The following EDNRB variants were observed in gnomAD, a reference collection of about 807,000 sequenced individuals.
EDNRB encodes the protein Hirschsprung disease 2.
In EDNRB, 18 loss-of-function variants were observed where a neutral mutation model predicts 46.4. The ratio of observed to expected loss-of-function variants is 0.39; its 90% CI spans 0.27 to 0.57. The LOEUF is 0.57. EDNRB is among the 20% of genes least tolerant of loss of function. The pLI is 0.61. For missense variants in EDNRB, 434 were observed against 537.5 expected, an observed-to-expected ratio of 0.81 and a Z score of 1.90; for synonymous variants, 213 against 204.9, an observed-to-expected ratio of 1.04 and a Z score of -0.34.
Position 77,898,121 on chromosome 13 carries a change from G to GTTTTT in EDNRB, c.*78_*79insAAAAA, listed in dbSNP as rs1362788185. ...GTGCAAATACATAGTTTTTTGTTTT[G>GTTTTT]TTTTGGCAAATGTTTCATTTTGTTT... On this transcript the variant is annotated 3_prime_UTR_variant, in exon 7 of 7. Transcript: ENST00000646607. 6.4e-7 allele frequency: 1 copy of GTTTTT among 1,562,998 alleles called. No homozygotes were observed. Among genetic ancestry groups the GTTTTT allele is most frequent in the Non-Finnish European group, 8.7e-7 (1 of 1,154,494 alleles).
At chr13:77,957,706 C>T (rs1167355499) in intron 1 of EDNRB, among the ~76,000 whole-genome samples, 1 of 152,152 alleles carries the variant, frequency 6.6e-6, no homozygotes, top group Non-Finnish European at 1.5e-5. Context: ...CCTGGATGAA[C>T]TGCCTGCACG....
At chr13:77,920,938 T>C (rs1481085573), upstream of EDNRB, among the ~76,000 whole-genome samples, 3 of 152,144 alleles carry the variant, frequency 2.0e-5, no homozygotes, top group South Asian at 4.1e-4. Flanking sequence ...GGGTGACTTT[T>C]CTCTCTCCCC....
At chr13:77,975,156 G>GCA (rs1331674325) in intron 1 of EDNRB, among the ~76,000 whole-genome samples, 8 of 152,140 alleles carry the variant, frequency 5.3e-5, no homozygotes, top group African/African-American at 1.9e-4. Flanking sequence ...GCCGGTACAG[G>GCA]CACACCATCG....
At chr13:77,902,880 T>C (rs976944065) in intron 3 of EDNRB, among the ~76,000 whole-genome samples, 4 of 151,986 alleles carry the variant, frequency 2.6e-5, no homozygotes, top group Non-Finnish European at 2.9e-5. Flanking sequence ...AACATGGCTT[T>C]AGGTAGAAAG....
intron 1 of EDNRB, among the ~76,000 whole-genome samples, chr13:77,966,079 G>A (rs1243572496): frequency 5.3e-5 from 8 of 152,042 alleles, no homozygotes; most frequent in Admixed American, 4.6e-4. Context: ...TGAAGAGATA[G>A]AGTCTTGCTA....
chr13:77,971,025 G>C (rs910466417), intron 1 of EDNRB, among the ~76,000 whole-genome samples: 2 of 152,142 alleles, frequency 1.3e-5, no homozygotes, highest in African/African-American at 4.8e-5. Context: ...GTCTTCTTCA[G>C]AGTCACTTTG....
In EDNRB at chr13:77,896,280, A is replaced by C. The variant is rs528216732; in HGVS notation, c.*1920T>G. ...TAATCTAAAATTTAAATAGAAATTA[A>C]ATATATTAATAAACTGTGAAAATAT... On this transcript the variant is annotated 3_prime_UTR_variant, in exon 7 of 7. Transcript: ENST00000646607. 7.4e-6 allele frequency: 4 copies of C among 543,668 alleles called. No individual in the cohort carries two copies. The highest frequency in any genetic ancestry group is 1.1e-5 in the Non-Finnish European group (4 of 370,276). 33.7% of individuals were successfully genotyped at this position (543,668 alleles called of 1,614,324 possible).
At chr13:77,966,492 A>C (rs868437694) in intron 1 of EDNRB, among the ~76,000 whole-genome samples, 30 of 152,212 alleles carry the variant, frequency 2.0e-4, no homozygotes, top group African/African-American at 7.2e-4. Context: ...AATAAATTTG[A>C]ATTGATCAGA....
chr13:77,905,715 C>T (rs976824501), intron 1 of EDNRB, among the ~76,000 whole-genome samples: 1 of 151,924 alleles, frequency 6.6e-6, no homozygotes, highest in Non-Finnish European at 1.5e-5. Flanking sequence ...AGAGACTTGA[C>T]TGAAATAAGA....
At chr13:77,959,763 C>T (rs1309156224) in intron 1 of EDNRB, among the ~76,000 whole-genome samples, 1 of 152,130 alleles carries the variant, frequency 6.6e-6, no homozygotes, top group Non-Finnish European at 1.5e-5. Context: ...AAGTTCGAAC[C>T]CATCATACAG....
intron 1 of EDNRB, among the ~76,000 whole-genome samples, chr13:77,911,365 A>T (rs1168823177): frequency 6.6e-6 from 1 of 152,098 alleles, no homozygotes; most frequent in African/African-American, 2.4e-5. Flanking sequence ...ATAAGCTGTG[A>T]TCAGAAAATG....
At chr13:77,936,675 TG>T (rs1340683841) in intron 1 of EDNRB, among the ~76,000 whole-genome samples, 2 of 152,148 alleles carry the variant, frequency 1.3e-5, no homozygotes, top group African/African-American at 4.8e-5. Context: ...CCAGGTGAGT[TG>T]AACAGTCTGA....
intron 1 of EDNRB, among the ~76,000 whole-genome samples, chr13:77,969,077 C>G (rs2137693448): frequency 6.6e-6 from 1 of 152,248 alleles, no homozygotes; most frequent in South Asian, 2.1e-4. Flanking sequence ...TCTTAAAAAG[C>G]ACTGAGTTTC....
chr13:77,940,700 GGTGTGTGTGTGT>G (rs6145134), intron 1 of EDNRB, among the ~76,000 whole-genome samples: 44 of 149,092 alleles, frequency 3.0e-4, no homozygotes, highest in African/African-American at 6.2e-4. Context: ...AGATGAATTG[GGTGTGTGTGTGT>G]GTGTGTGTGT....
intron 1 of EDNRB, among the ~76,000 whole-genome samples, chr13:77,968,011 C>T (rs968094497): frequency 6.6e-6 from 1 of 152,138 alleles, no homozygotes; most frequent in African/African-American, 2.4e-5. Context: ...GTGCCATGAA[C>T]AGTTTAAGTT....
upstream of EDNRB, among the ~76,000 whole-genome samples, chr13:77,924,075 G>C (rs1020549883): frequency 1.3e-5 from 2 of 152,146 alleles, no homozygotes; most frequent in South Asian, 2.1e-4. Flanking sequence ...GGGAAACAAT[G>C]ATTTTACTGA....
chr13:77,959,304 A>C (rs147063777), intron 1 of EDNRB, among the ~76,000 whole-genome samples: 2,233 of 152,258 alleles, frequency 0.015, 44 homozygotes, highest in East Asian at 0.024. Flanking sequence ...TAGGGGCAGA[A>C]TGACACCTCA....
intron 1 of EDNRB, among the ~76,000 whole-genome samples, chr13:77,946,578 A>C (rs951037884): frequency 1.3e-5 from 2 of 152,138 alleles, no homozygotes; most frequent in African/African-American, 2.4e-5. Context: ...AGAAAAAAAA[A>C]CCCATTTCCA....
intron 1 of EDNRB, among the ~76,000 whole-genome samples, chr13:77,954,498 T>TTATG (rs1881178712): frequency 6.9e-6 from 1 of 145,332 alleles, no homozygotes; most frequent in African/African-American, 2.5e-5. Context: ...ATTTATTTAT[T>TTATG]TATTTATTTA....
Sources: gnomAD v4.1 joint callset for allele counts (sites outside exome capture counted in the v4.1 genomes callset) on GRCh38, gnomAD v4.1.1 for gene constraint, MANE v1.5 for transcripts, NCBI Gene and HGNC (gene_info 2026-07-23, HGNC 2026-07-21) for gene names.